Variants in UTS2B observed in about 807,000 individuals in gnomAD.
The protein encoded by UTS2B is urotensin 2B.
Under a neutral mutation model 19.2 loss-of-function variants are expected in UTS2B, and 21 were observed. The observed-to-expected ratio is 1.09, with a 90% CI of 0.78 to 1.58. The LOEUF is 1.58. Ranked by LOEUF, UTS2B falls within the 40% of genes most tolerant of loss-of-function variation. UTS2B has a pLI of 0.00. For missense variants in UTS2B, 138 were observed against 130.3 expected (o/e 1.06, Z -0.29); for synonymous variants, 57 against 50.2 (o/e 1.14, Z -0.58).
chr3:191,316,295 A>G lies in UTS2B; in HGVS notation c.-441T>C, dbSNP rs1717448037. On this transcript the variant is annotated 5_prime_UTR_variant, in exon 3 of 9. Coordinates refer to ENST00000340524, the MANE Select transcript of UTS2B (RefSeq NM_198152.5). The stretch of plus-strand genomic sequence containing the variant: ...CTCGCAGTGAGTGTTACAGTTCTTA[A>G]AGATGGTGCGTCCGGAATTTGTTCA... 1.3e-5 allele frequency: 2 copies of G among 152,490 alleles called. No homozygotes were observed. Among genetic ancestry groups the G allele is most frequent in the African/African-American group, 2.4e-5 (1 of 41,446 alleles). 9.4% of individuals were successfully genotyped at this position (152,490 alleles called of 1,614,324 possible).
At chr3:191,268,496 C>T in intron 8 of UTS2B, 55 bp from the exon 9 acceptor site, 1 of 1,335,812 alleles carries the variant, frequency 7.5e-7, no homozygotes, top group Non-Finnish European at 1.0e-6. Flanking sequence ...ATAAAACTTG[C>T]TCTTGAATCA....
intron 4 of UTS2B, among the ~76,000 whole-genome samples, chr3:191,301,105 T>TC (rs35710300): frequency 0.39 from 59,819 of 152,010 alleles, 12,308 homozygotes; most frequent in East Asian, 0.64. Context: ...TATGTCACCT[T>TC]CTTTCCTTGA....
At chr3:191,337,828 C>T in the UTS2B span, among the ~76,000 whole-genome samples, 54,446 of 151,560 alleles carry the variant, frequency 0.36, 12,418 homozygotes, top group East Asian at 0.71. Context: ...TGTTTCCTTA[C>T]GTTTTTTTTT....
At chr3:191,271,394 G>T (rs1281909311) in intron 8 of UTS2B, among the ~76,000 whole-genome samples, 8 of 152,006 alleles carry the variant, frequency 5.3e-5, no homozygotes, top group African/African-American at 1.9e-4. Flanking sequence ...TTGAGACTGA[G>T]CTTCCATCTC....
At chr3:191,319,559 T>G (rs1415838182) in intron 2 of UTS2B, among the ~76,000 whole-genome samples, 1 of 152,148 alleles carries the variant, frequency 6.6e-6, no homozygotes, top group African/African-American at 2.4e-5. Flanking sequence ...TTAAAAGTCC[T>G]TTCTTAAAAA....
At chr3:191,310,857 A>G (rs1717282252) in intron 3 of UTS2B, among the ~76,000 whole-genome samples, 1 of 152,196 alleles carries the variant, frequency 6.6e-6, no homozygotes. Flanking sequence ...CATCTCTTAA[A>G]TATTTGACAA....
chr3:191,337,465 C>G, the UTS2B span, among the ~76,000 whole-genome samples: 1 of 151,880 alleles, frequency 6.6e-6, no homozygotes, highest in Non-Finnish European at 1.5e-5. Context: ...CTGCCTCAGC[C>G]TCCCGAGTAG....
At chr3:191,295,941 T>G (rs1053490756) in intron 4 of UTS2B, among the ~76,000 whole-genome samples, 1 of 152,220 alleles carries the variant, frequency 6.6e-6, no homozygotes, top group African/African-American at 2.4e-5. Context: ...AGAAGTCTCA[T>G]GTTCACTGTT....
At chr3:191,320,258 G>A (rs1370218683) in intron 2 of UTS2B, among the ~76,000 whole-genome samples, 4 of 152,218 alleles carry the variant, frequency 2.6e-5, no homozygotes, top group East Asian at 1.9e-4. Flanking sequence ...AATTGGAGGA[G>A]TAAATCACAC....
upstream of UTS2B, among the ~76,000 whole-genome samples, chr3:191,331,976 C>G (rs982503511): frequency 6.6e-6 from 1 of 152,108 alleles, no homozygotes; most frequent in African/African-American, 2.4e-5. Flanking sequence ...TATCTGTCTC[C>G]TCTACTTTTT....
At chr3:191,282,845 G>C (rs1560134993) in intron 4 of UTS2B, among the ~76,000 whole-genome samples, 1 of 152,306 alleles carries the variant, frequency 6.6e-6, no homozygotes, top group East Asian at 1.9e-4. Flanking sequence ...GTTTCAAGCA[G>C]CTCTTTTAAA....
Position 191,282,204 on chromosome 3 carries a change from T to A in UTS2B, c.-15A>T. ...ATCTTGTTCATGTTAAAAAAAACCT[T>A]CTGGACTAGCAAAGAAACAGACTTT... is the stretch of plus-strand genomic sequence containing the variant. On this transcript the variant is annotated 5_prime_UTR_variant, in exon 5 of 9. Transcript: ENST00000340524. 1 of 1,582,454 alleles carries A rather than the reference T, an allele frequency of 6.3e-7. No individual in the cohort carries two copies. The highest frequency in any genetic ancestry group is 8.6e-7 in the Non-Finnish European group (1 of 1,156,808).
At chr3:191,308,634 C>T (rs1258409172) in intron 3 of UTS2B, among the ~76,000 whole-genome samples, 1 of 152,106 alleles carries the variant, frequency 6.6e-6, no homozygotes, top group Non-Finnish European at 1.5e-5. Flanking sequence ...TGATGTCATC[C>T]CCCTTCTGTG....
rs191483721 is a variant in UTS2B at position 191,306,194 on chromosome 3, T to A, written c.-181-1646A>T. On this transcript the variant is annotated intron_variant, in intron 3 of 8. Transcript: ENST00000340524. ...TGAATTTTAAAATAGTTTTCTCTAG[T>A]GCTGTGAAGAATGTCAATGGTAGTT... Among the ~76,000 whole-genome samples, 3 of 152,330 alleles carry A rather than the reference T, an allele frequency of 2.0e-5. No homozygotes were observed. In the East Asian group the frequency reaches 5.8e-4, roughly 29 times the overall value.
intron 3 of UTS2B, among the ~76,000 whole-genome samples, chr3:191,311,351 G>A (rs1399671543): frequency 6.6e-6 from 1 of 152,332 alleles, no homozygotes; most frequent in South Asian, 2.1e-4. Flanking sequence ...AGGACCTAGG[G>A]CTGTGAACAG....
chr3:191,316,135 A>C lies in UTS2B; in HGVS notation c.-281T>G, dbSNP rs544576655. On this transcript the variant is annotated 5_prime_UTR_variant, in exon 3 of 9. Coordinates refer to ENST00000340524, the MANE Select transcript of UTS2B (RefSeq NM_198152.5). ...AGCTAGATGTCAGCTGTCAGCTGGG[A>C]GCTCCATTATGTTGGCTGGGGTGTT... 6.6e-6 allele frequency: 1 copy of C among 152,322 alleles called. No homozygotes were observed. Among genetic ancestry groups the C allele is most frequent in the East Asian group, 1.9e-4 (1 of 5,192 alleles). 9.4% of individuals were successfully genotyped at this position (152,322 alleles called of 1,614,324 possible). A position where few individuals can be genotyped will look rare whatever the true frequency, so the allele number is the denominator to read the frequency against.
At chr3:191,287,698 A>G (rs1716594645) in intron 4 of UTS2B, among the ~76,000 whole-genome samples, 1 of 152,072 alleles carries the variant, frequency 6.6e-6, no homozygotes, top group African/African-American at 2.4e-5. Context: ...TCAGAAACAA[A>G]ATAAGTATGC....
chr3:191,294,911 G>C (rs1716816899), intron 4 of UTS2B, among the ~76,000 whole-genome samples: 1 of 151,666 alleles, frequency 6.6e-6, no homozygotes, highest in Non-Finnish European at 1.5e-5. Flanking sequence ...GGCGCCTGTA[G>C]TCCCAGCTAC....
At chr3:191,334,748 G>A (rs1364496625), upstream of UTS2B, among the ~76,000 whole-genome samples, 3 of 152,020 alleles carry the variant, frequency 2.0e-5, no homozygotes, top group Non-Finnish European at 4.4e-5. Flanking sequence ...AGATGCGAAA[G>A]ATTCATTTCT....
Sources: gnomAD v4.1 joint callset for allele counts (sites outside exome capture counted in the v4.1 genomes callset) on GRCh38, gnomAD v4.1.1 for gene constraint, MANE v1.5 for transcripts, NCBI Gene and HGNC (gene_info 2026-07-23, HGNC 2026-07-21) for gene names.